Variants in RARB observed in about 807,000 individuals in gnomAD.
The protein encoded by RARB is HBV-activated protein.
RARB carries 17 observed loss-of-function variants against 51.9 expected under a neutral mutation model. The ratio of observed to expected loss-of-function variants is 0.33; its 90% confidence interval spans 0.22 to 0.49. The LOEUF is 0.49. Ranked by LOEUF, RARB falls within the 20% of genes least tolerant of loss-of-function variation. The pLI is 0.99. For missense variants in RARB, 369 were observed against 550.8 expected (o/e 0.67, Z 3.30); for synonymous variants, 215 against 195.4 (o/e 1.10, Z -0.84).
chr3:25,260,627 C>T (rs760032828), intron 5 of RARB, among the ~76,000 whole-genome samples: 10 of 152,078 alleles, frequency 6.6e-5, no homozygotes, highest in Non-Finnish European at 1.2e-4. Flanking sequence ...ATCTTACCTG[C>T]CCACTAGAGG....
chr3:25,363,647 T>C (rs993920251), intron 5 of RARB, among the ~76,000 whole-genome samples: 2 of 152,226 alleles, frequency 1.3e-5, no homozygotes, highest in African/African-American at 4.8e-5. Flanking sequence ...GCTTCTCAAC[T>C]AGATTATTGA....
At chr3:24,928,878 C>T (rs905540277) in intron 2 of RARB, among the ~76,000 whole-genome samples, 1 of 151,858 alleles carries the variant, frequency 6.6e-6, no homozygotes, top group Non-Finnish European at 1.5e-5. Context: ...ATTAGTAATT[C>T]CTAGAAATTG....
intron 3 of RARB, among the ~76,000 whole-genome samples, chr3:25,131,375 A>G (rs1004654956): frequency 1.2e-4 from 19 of 152,058 alleles, no homozygotes; most frequent in Non-Finnish European, 2.5e-4. Flanking sequence ...CACTAGAAAT[A>G]ATGGACTTTG....
At chr3:25,438,851 A>G (rs551772411) in intron 1 of RARB, among the ~76,000 whole-genome samples, 1 of 152,244 alleles carries the variant, frequency 6.6e-6, no homozygotes. Flanking sequence ...TAACTCGCAT[A>G]GCTTCCTCTG....
At chr3:25,011,971 T>C (rs946069995) in intron 2 of RARB, among the ~76,000 whole-genome samples, 6 of 152,208 alleles carry the variant, frequency 3.9e-5, no homozygotes, top group Non-Finnish European at 8.8e-5. Flanking sequence ...GATTCTGATA[T>C]TAACAGGGCA....
intron 5 of RARB, among the ~76,000 whole-genome samples, chr3:25,199,455 A>T (rs1222799688): frequency 6.6e-6 from 1 of 152,082 alleles, no homozygotes; most frequent in African/African-American, 2.4e-5. Context: ...TATAATTGGA[A>T]TTTTTTTATT....
At chr3:25,363,972 C>T (rs1706033691) in intron 5 of RARB, among the ~76,000 whole-genome samples, 2 of 152,178 alleles carry the variant, frequency 1.3e-5, no homozygotes, top group African/African-American at 4.8e-5. Flanking sequence ...AACTTCCTTC[C>T]ACTCATTGCT....
At chr3:25,351,281 G>T (rs11718836) in intron 5 of RARB, among the ~76,000 whole-genome samples, 1 of 151,634 alleles carries the variant, frequency 6.6e-6, no homozygotes, top group African/African-American at 2.4e-5. Context: ...TTTCTCTCTG[G>T]TTTGCTTTCT....
In RARB at chr3:24,930,525, C is replaced by G. The variant is rs577149312; in HGVS notation, c.-380+71773C>G. 1.2e-3 allele frequency among the ~76,000 whole-genome samples: 177 copies of G among 152,194 alleles called. No individual in the cohort carries two copies. In the Middle Eastern group the frequency reaches 0.027, roughly 23 times the overall value. ...GTTGTAAATTCCATTATAGCAGGTGCTTCCTTACCTCTCCTTCAACGTTTT... is the reference window on the plus strand; with the variant it reads ...GTTGTAAATTCCATTATAGCAGGTGGTTCCTTACCTCTCCTTCAACGTTTT... On this transcript the variant is annotated intron_variant, in intron 2 of 11. Transcript: ENST00000383772.
At chr3:25,214,269 G>A (rs1016935524) in intron 5 of RARB, among the ~76,000 whole-genome samples, 10 of 152,178 alleles carry the variant, frequency 6.6e-5, no homozygotes, top group Admixed American at 4.6e-4. Flanking sequence ...CTCTGGCTGG[G>A]TAAGAGAAGT....
chr3:25,231,208 C>T (rs1225645461), intron 5 of RARB, among the ~76,000 whole-genome samples: 2 of 152,054 alleles, frequency 1.3e-5, no homozygotes, highest in African/African-American at 4.8e-5. Context: ...GGTAAAAACT[C>T]AACACTTCTG....
intron 3 of RARB, among the ~76,000 whole-genome samples, chr3:25,078,886 T>G (rs559068580): frequency 3.3e-5 from 5 of 152,168 alleles, no homozygotes; most frequent in Non-Finnish European, 5.9e-5. Context: ...CTTTGCATTT[T>G]TATATAAATT....
intron 2 of RARB, among the ~76,000 whole-genome samples, chr3:25,037,844 A>G (rs1003381913): frequency 6.6e-6 from 1 of 152,172 alleles, no homozygotes; most frequent in Non-Finnish European, 1.5e-5. Flanking sequence ...CCTTAGCTTG[A>G]AGGATCTGCA....
chr3:25,327,099 T>C (rs1704742424), intron 5 of RARB, among the ~76,000 whole-genome samples: 1 of 152,094 alleles, frequency 6.6e-6, no homozygotes, highest in South Asian at 2.1e-4. Context: ...GTTTCGTTTT[T>C]AGACACAGGG....
At chr3:25,316,838 A>T (rs1392379252) in intron 5 of RARB, among the ~76,000 whole-genome samples, 1 of 152,224 alleles carries the variant, frequency 6.6e-6, no homozygotes, top group Non-Finnish European at 1.5e-5. Context: ...ACTATAAAGG[A>T]CAGAGAAAAT....
At chr3:25,581,158 C>G (rs901537810) in intron 5 of RARB, among the ~76,000 whole-genome samples, 1 of 152,206 alleles carries the variant, frequency 6.6e-6, no homozygotes, top group African/African-American at 2.4e-5. Flanking sequence ...CCACCACACA[C>G]GGGGACCTCT....
At chr3:25,197,421 C>G (rs1041588066) in intron 5 of RARB, among the ~76,000 whole-genome samples, 3 of 152,020 alleles carry the variant, frequency 2.0e-5, no homozygotes, top group African/African-American at 7.2e-5. Flanking sequence ...TTCCATTCGT[C>G]TACGTATCTG....
At chr3:24,850,080 G>A (rs1450145212) in intron 1 of RARB, among the ~76,000 whole-genome samples, 1 of 152,168 alleles carries the variant, frequency 6.6e-6, no homozygotes, top group African/African-American at 2.4e-5. Flanking sequence ...TTACCTGGAA[G>A]AAGGCTGAAG....
intron 3 of RARB, among the ~76,000 whole-genome samples, chr3:25,521,737 C>T (rs1001591238): frequency 6.6e-6 from 1 of 152,092 alleles, no homozygotes; most frequent in African/African-American, 2.4e-5. Context: ...GGGTAGTGCA[C>T]GTCTATAAAA....
Sources: gnomAD v4.1 joint callset for allele counts (sites outside exome capture counted in the v4.1 genomes callset) on GRCh38, gnomAD v4.1.1 for gene constraint, MANE v1.5 for transcripts, NCBI Gene and HGNC (gene_info 2026-07-23, HGNC 2026-07-21) for gene names.